MYRFL: variants seen among roughly 807,000 people sequenced by gnomAD.
The protein encoded by MYRFL is myelin regulatory factor-like protein.
In MYRFL, 88 loss-of-function variants were observed where a neutral mutation model predicts 109.4. The observed-to-expected ratio is 0.80, with a 90% confidence interval of 0.68 to 0.96. The LOEUF is 0.96. MYRFL is among the 40% of genes least tolerant of loss of function. MYRFL has a pLI of 0.00. For synonymous variants in MYRFL, 324 were observed against 320.9 expected, an observed-to-expected ratio of 1.01 and a Z score of -0.10; for missense variants, 957 against 954.9, an observed-to-expected ratio of 1.00 and a Z score of -0.03.
chr12:69,956,997 T>C (rs1956111853), intron 22 of MYRFL, among the ~76,000 whole-genome samples: 1 of 152,156 alleles, frequency 6.6e-6, no homozygotes, highest in Non-Finnish European at 1.5e-5. Context: ...TCAGGACTTT[T>C]AGTTTACAAA....
At chr12:69,839,195 A>G (rs1883110549) in intron 1 of MYRFL, among the ~76,000 whole-genome samples, 1 of 152,182 alleles carries the variant, frequency 6.6e-6, no homozygotes, top group South Asian at 2.1e-4. Flanking sequence ...TAGTTCAGAT[A>G]GAGGAGGAGA....
intron 11 of MYRFL, among the ~76,000 whole-genome samples, chr12:69,907,381 C>T (rs983898957): frequency 6.6e-6 from 1 of 152,208 alleles, no homozygotes; most frequent in Non-Finnish European, 1.5e-5. Context: ...CCATTTCCCT[C>T]TCTGTAGCCT....
chr12:69,826,063 A>G (rs1174344649), intron 1 of MYRFL, among the ~76,000 whole-genome samples: 2 of 152,108 alleles, frequency 1.3e-5, no homozygotes, highest in Admixed American at 6.6e-5. Flanking sequence ...TGTGCTTTGT[A>G]AAGTGCCTGA....
chr12:69,842,253 G>A (rs553829992), intron 1 of MYRFL, among the ~76,000 whole-genome samples: 6 of 152,248 alleles, frequency 3.9e-5, no homozygotes, highest in African/African-American at 1.4e-4. Flanking sequence ...CCAACTGCAG[G>A]CTAAATGATC....
At chr12:69,891,913 G>A (rs1886938375) in intron 7 of MYRFL, among the ~76,000 whole-genome samples, 1 of 151,836 alleles carries the variant, frequency 6.6e-6, no homozygotes, top group Non-Finnish European at 1.5e-5. Context: ...CTGGGCTCAA[G>A]TGAGCCTCCT....
intron 15 of MYRFL, among the ~76,000 whole-genome samples, chr12:69,928,308 C>G (rs1955162268): frequency 6.6e-6 from 1 of 152,204 alleles, no homozygotes; most frequent in South Asian, 2.1e-4. Context: ...GAAGGACACC[C>G]TCTCCATCAC....
At position 69,903,724 on chromosome 12, in the gene MYRFL, C is replaced by T. The variant is rs1294971492; in HGVS notation, c.1263C>T (p.His421=). 15 of 1,535,726 alleles carry T rather than the reference C, an allele frequency of 9.8e-6. No individual in the cohort carries two copies. The highest frequency in any genetic ancestry group is 2.4e-5 in the South Asian group (2 of 84,050). The change falls in exon 11 of 25, where the codon CAC becomes CAT. Residue 421 remains histidine, a synonymous_variant. Transcript: ENST00000552032. ...AAGTTCCAGAATCTATTGTCTGTCA[C>T]GGTCGAGTAGGAATCAACACAGATG... ...RGQVPESIVC[H]GRVGINTDAP...
intron 10 of MYRFL, among the ~76,000 whole-genome samples, chr12:69,898,092 A>G (rs1248916135): frequency 2.0e-5 from 3 of 152,150 alleles, no homozygotes; most frequent in Admixed American, 1.3e-4. Context: ...GGCCATGCAA[A>G]CTCCAATAGA....
At chr12:69,926,126 T>C (rs1339125283) in intron 13 of MYRFL, among the ~76,000 whole-genome samples, 5 of 132,918 alleles carry the variant, frequency 3.8e-5, no homozygotes, top group African/African-American at 1.9e-4. Flanking sequence ...TCTTTTTTTT[T>C]TTTTTTTTTT....
intron 2 of MYRFL, among the ~76,000 whole-genome samples, chr12:69,866,582 G>T (rs1021167948): frequency 2.6e-5 from 4 of 152,010 alleles, no homozygotes; most frequent in Non-Finnish European, 2.9e-5. Flanking sequence ...ATTCAGACCT[G>T]GGTTTACTAC....
chr12:69,930,039 T>C (rs1376982130), intron 15 of MYRFL, among the ~76,000 whole-genome samples: 1 of 152,240 alleles, frequency 6.6e-6, no homozygotes, highest in Non-Finnish European at 1.5e-5. Flanking sequence ...ACCAAAGTGC[T>C]TGCTCCCTCT....
chr12:69,952,340 A>G lies in MYRFL; in HGVS notation c.2287+165A>G, dbSNP rs1955999295. On this transcript the variant is annotated intron_variant, in intron 20 of 24. Transcript: ENST00000552032. ...TATAATCGATGCCACCCTAACCACT[A>G]ATGAGGCATTAGAAATGGTCACTCA... 4.7e-6 allele frequency: 3 copies of G among 636,170 alleles called. No individual in the cohort carries two copies. The African/African-American group carries it at 5.5e-5, about 12-fold the overall frequency. 39.4% of individuals were successfully genotyped at this position (636,170 alleles called of 1,614,324 possible).
chr12:69,829,156 G>A (rs184012662), intron 1 of MYRFL, among the ~76,000 whole-genome samples: 174 of 152,204 alleles, frequency 1.1e-3, no homozygotes, highest in African/African-American at 4.0e-3. Flanking sequence ...CCTGTGGAAG[G>A]ACAGTAACCA....
intron 15 of MYRFL, among the ~76,000 whole-genome samples, chr12:69,930,837 C>T (rs537105918): frequency 2.7e-5 from 4 of 147,976 alleles, no homozygotes; most frequent in African/African-American, 9.9e-5. Flanking sequence ...AAAAAGAACA[C>T]GGATAAATAC....
intron 1 of MYRFL, among the ~76,000 whole-genome samples, chr12:69,836,036 A>C (rs923705120): frequency 1.3e-5 from 2 of 152,200 alleles, no homozygotes; most frequent in Non-Finnish European, 1.5e-5. Flanking sequence ...GAATCGGATC[A>C]CACGTGGGCT....
At chr12:69,950,277 A>G (rs1355418517) in intron 19 of MYRFL, among the ~76,000 whole-genome samples, 9 of 152,124 alleles carry the variant, frequency 5.9e-5, no homozygotes, top group Non-Finnish European at 4.4e-5. Flanking sequence ...TTTTAACAGG[A>G]TATGTTAAGC....
At chr12:69,874,287 T>C (rs1213685343) in intron 2 of MYRFL, among the ~76,000 whole-genome samples, 1 of 152,188 alleles carries the variant, frequency 6.6e-6, no homozygotes, top group Non-Finnish European at 1.5e-5. Flanking sequence ...AAGCGATCCT[T>C]CAGCCTCAGC....
At chr12:69,835,596 G>A (rs531472278) in intron 1 of MYRFL, among the ~76,000 whole-genome samples, 1 of 152,310 alleles carries the variant, frequency 6.6e-6, no homozygotes, top group African/African-American at 2.4e-5. Flanking sequence ...TTCTGTATAT[G>A]TAGTGGATTC....
At chr12:69,925,005 C>T (rs1411400804) in intron 13 of MYRFL, among the ~76,000 whole-genome samples, 1 of 152,160 alleles carries the variant, frequency 6.6e-6, no homozygotes. Context: ...CATAATTCTG[C>T]CTGCCACAAA....
Sources: gnomAD v4.1 joint callset for allele counts (sites outside exome capture counted in the v4.1 genomes callset) on GRCh38, gnomAD v4.1.1 for gene constraint, MANE v1.5 for transcripts, NCBI Gene and HGNC (gene_info 2026-07-23, HGNC 2026-07-21) for gene names.